UBXN2A: variants seen among roughly 807,000 people sequenced by gnomAD.
The protein encoded by UBXN2A is UBX domain-containing protein 2A.
Under a neutral mutation model 28.4 loss-of-function variants are expected in UBXN2A, and 28 were observed. The observed-to-expected ratio is 0.99, with a 90% confidence interval of 0.73 to 1.35. UBXN2A has a LOEUF of 1.35. Ranked by LOEUF, UBXN2A falls within the 40% of genes most tolerant of loss-of-function variation. The probability of loss-of-function intolerance (pLI) is 0.00; values close to 1 mark genes in which losing one functional copy is unlikely to be tolerated. For synonymous variants in UBXN2A, 97 were observed against 103.6 expected, an observed-to-expected ratio of 0.94 and a Z score of 0.39; for missense variants, 253 against 297.9, an observed-to-expected ratio of 0.85 and a Z score of 1.11.
In UBXN2A at chr2:23,958,472, C is replaced by T. The variant is rs1706746123; in HGVS notation, c.41+117C>T. The T allele has an allele frequency of 5.6e-6, 5 of 900,578 alleles. No homozygotes were observed. In the South Asian group the frequency reaches 1.4e-4, roughly 26 times the overall value. The allele number at this position is 900,578 out of a possible 1,614,324, so 55.8% of individuals were successfully genotyped here. A position where few individuals can be genotyped will look rare whatever the true frequency, so the allele number is the denominator to read the frequency against. ...ACGTTTTAATTATGTATGACTACTT[C>T]ATTGTCATCTACTATGTTGAAGTAA... On this transcript the variant is annotated intron_variant, in intron 2 of 6. Coordinates refer to ENST00000309033, the MANE Select transcript of UBXN2A (RefSeq NM_181713.4).
chr2:23,987,777 CAA>C (rs56133612), intron 6 of UBXN2A, among the ~76,000 whole-genome samples: 83,552 of 130,876 alleles, frequency 0.64, 25,419 homozygotes, highest in East Asian at 0.79. Flanking sequence ...GACTCCATCT[CAA>C]AAAAAAAAAA....
intron 2 of UBXN2A, among the ~76,000 whole-genome samples, chr2:23,966,166 ATCTC>A (rs1300851036): frequency 6.6e-6 from 1 of 151,408 alleles, no homozygotes; most frequent in Non-Finnish European, 1.5e-5. Flanking sequence ...TAAAGACAGA[ATCTC>A]TCTTTGTCGC....
rs1257615112 is a variant in UBXN2A at position 23,955,388 on chromosome 2, T to C, written c.-14-2913T>C. Among the ~76,000 whole-genome samples, 4 of 152,218 alleles carry C rather than the reference T, an allele frequency of 2.6e-5. No individual in the cohort carries two copies. The East Asian group carries it at 7.7e-4, about 29-fold the overall frequency. On this transcript the variant is annotated intron_variant, in intron 1 of 6. Coordinates refer to ENST00000309033, the MANE Select transcript of UBXN2A (RefSeq NM_181713.4). ...TGTAGAGGGGACAGGTGCCTGGACC[T>C]ACCTGTTCTTCCATTTTGCTGATGT...
intron 2 of UBXN2A, among the ~76,000 whole-genome samples, chr2:23,970,909 C>T (rs889726214): frequency 9.9e-5 from 15 of 152,084 alleles, no homozygotes; most frequent in African/African-American, 2.7e-4. Context: ...GTAATGTGAG[C>T]GATGGGAGCA....
At chr2:23,997,061 A>G (rs1184185006) in intron 6 of UBXN2A, 1 of 152,168 alleles carries the variant, frequency 6.6e-6, no homozygotes, top group Non-Finnish European at 1.5e-5. Context: ...AGCTGGGACT[A>G]TACGCATGTG....
chr2:23,984,589 TATA>T (rs1429680536), intron 5 of UBXN2A, 81 bp from the exon 6 acceptor site: 9 of 1,143,240 alleles, frequency 7.9e-6, no homozygotes, highest in Non-Finnish European at 1.0e-5. Context: ...TTATACTTGC[TATA>T]ATATTTTTAT....
At chr2:23,984,611 T>C in intron 5 of UBXN2A, 62 bp from the exon 6 acceptor site, 1 of 1,271,442 alleles carries the variant, frequency 7.9e-7, no homozygotes, top group Non-Finnish European at 1.0e-6. Flanking sequence ...ATAGTAATTA[T>C]TTAATAATAA....
intron 2 of UBXN2A, among the ~76,000 whole-genome samples, chr2:23,970,277 T>G (rs1221345302): frequency 2.0e-5 from 3 of 152,142 alleles, no homozygotes; most frequent in African/African-American, 7.2e-5. Context: ...GAGAGGGACC[T>G]TGTCTCAAGA....
chr2:23,957,716 C>G (rs1482642731), intron 1 of UBXN2A, among the ~76,000 whole-genome samples: 2 of 152,132 alleles, frequency 1.3e-5, no homozygotes. Flanking sequence ...CGTCCGTAAT[C>G]CCAGCTACTC....
intron 4 of UBXN2A, among the ~76,000 whole-genome samples, chr2:23,982,346 G>T (rs1448726387): frequency 6.6e-6 from 1 of 151,060 alleles, no homozygotes; most frequent in Non-Finnish European, 1.5e-5. Flanking sequence ...CAGCCTGGGC[G>T]ACAGAGCAAG....
intron 3 of UBXN2A, among the ~76,000 whole-genome samples, chr2:23,973,121 G>A (rs1206565511): frequency 2.6e-5 from 4 of 151,854 alleles, no homozygotes; most frequent in South Asian, 4.1e-4. Context: ...CCAGGTTCAA[G>A]CCATTCTCCT....
At chr2:23,969,920 C>T (rs1206524723) in intron 2 of UBXN2A, among the ~76,000 whole-genome samples, 1 of 152,178 alleles carries the variant, frequency 6.6e-6, no homozygotes, top group East Asian at 1.9e-4. Context: ...GCATTATCCC[C>T]TTTAGTTCAA....
chr2:23,996,774 C>CTT (rs149952622), intron 6 of UBXN2A: 26 of 136,628 alleles, frequency 1.9e-4, no homozygotes, highest in African/African-American at 3.5e-4. Flanking sequence ...CATGCCCAGA[C>CTT]TTTTTTTTTT....
At chr2:23,994,244 G>T (rs1023139571) in intron 6 of UBXN2A, among the ~76,000 whole-genome samples, 1 of 151,990 alleles carries the variant, frequency 6.6e-6, no homozygotes, top group African/African-American at 2.4e-5. Flanking sequence ...TTTGTTCTTA[G>T]ATTTTAATAG....
intron 6 of UBXN2A, among the ~76,000 whole-genome samples, chr2:23,997,425 A>G (rs1404168427): frequency 6.6e-6 from 1 of 152,174 alleles, no homozygotes; most frequent in Admixed American, 6.6e-5. Context: ...TAAGAATGTC[A>G]ACAGTCTAAA....
At chr2:23,956,324 T>C (rs1706623563) in intron 1 of UBXN2A, among the ~76,000 whole-genome samples, 1 of 152,078 alleles carries the variant, frequency 6.6e-6, no homozygotes, top group African/African-American at 2.4e-5. Context: ...GGGGTCACTT[T>C]TTCTTTTCAT....
intron 4 of UBXN2A, among the ~76,000 whole-genome samples, chr2:23,978,581 T>C (rs1431937810): frequency 6.6e-6 from 1 of 151,050 alleles, no homozygotes; most frequent in Non-Finnish European, 1.5e-5. Context: ...GAGGCGGAGC[T>C]TGCAGTGAGC....
At chr2:23,991,421 AC>A in intron 6 of UBXN2A, among the ~76,000 whole-genome samples, 1 of 148,736 alleles carries the variant, frequency 6.7e-6, no homozygotes, top group Admixed American at 6.7e-5. Flanking sequence ...ACACACACAC[AC>A]ACACACACAT....
At chr2:23,952,889 A>G (rs1355837724) in intron 1 of UBXN2A, among the ~76,000 whole-genome samples, 1 of 151,634 alleles carries the variant, frequency 6.6e-6, no homozygotes, top group Non-Finnish European at 1.5e-5. Context: ...TGTTTATTTA[A>G]TTTTAAAATT....
Sources: allele counts gnomAD v4.1 joint callset (sites outside exome capture counted in the v4.1 genomes callset), GRCh38; gene constraint gnomAD v4.1.1; transcripts MANE v1.5; gene names NCBI Gene and HGNC (gene_info 2026-07-23, HGNC 2026-07-21).